Variants in LBP observed in about 807,000 individuals in gnomAD.
The protein encoded by LBP is lipopolysaccharide binding protein.
Under a neutral mutation model 56.6 loss-of-function variants are expected in LBP, and 53 were observed. The observed-to-expected ratio is 0.94, with a 90% CI of 0.75 to 1.18. The LOEUF (loss-of-function observed/expected upper bound fraction) is 1.18. LBP is among the 50% of genes most tolerant of loss of function. LBP has a pLI of 0.00. For missense variants in LBP, 601 were observed against 598.3 expected (o/e 1.00, Z -0.05); for synonymous variants, 227 against 247.5 (o/e 0.92, Z 0.78).
chr20:38,374,784 CTTTTTT>C (rs587732305), intron 14 of LBP, among the ~76,000 whole-genome samples: 1 of 121,282 alleles, frequency 8.2e-6, no homozygotes, highest in Non-Finnish European at 1.7e-5. Context: ...ACCATATATA[CTTTTTT>C]TTTTTTTTTT....
chr20:38,346,882 A>T (rs1271970166), intron 1 of LBP, among the ~76,000 whole-genome samples: 1 of 152,220 alleles, frequency 6.6e-6, no homozygotes, highest in Non-Finnish European at 1.5e-5. Flanking sequence ...GCGTGCAAGT[A>T]GTTGATTTGG....
chr20:38,372,993 C>T lies in LBP; in HGVS notation c.1261-79C>T, dbSNP rs562459016. ...GTAATACTAGTTTGCTTTTCCCAAGCGTTTTGCTATGTTGGCACACACAGA... is the reference window on the plus strand; with the variant it reads ...GTAATACTAGTTTGCTTTTCCCAAGTGTTTTGCTATGTTGGCACACACAGA... On this transcript the variant is annotated intron_variant, in intron 12 of 14. Transcript: ENST00000217407. 4.9e-4 allele frequency: 595 copies of T among 1,223,580 alleles called. 10 individuals carry two copies. The South Asian group carries it at 6.7e-3, about 14-fold the overall frequency. 75.8% of individuals were successfully genotyped at this position (1,223,580 alleles called of 1,614,324 possible). A position where few individuals can be genotyped will look rare whatever the true frequency, so the allele number is the denominator to read the frequency against.
chr20:38,355,502 G>C, intron 5 of LBP, 93 bp downstream of exon 5: 1 of 1,168,058 alleles, frequency 8.6e-7, no homozygotes, highest in South Asian at 1.2e-5. Context: ...GGCCATGGGG[G>C]CTGGTTTAGA....
chr20:38,355,057 G>C (rs926605808), intron 4 of LBP, among the ~76,000 whole-genome samples: 2 of 152,192 alleles, frequency 1.3e-5, no homozygotes, highest in Non-Finnish European at 2.9e-5. Flanking sequence ...ACTCCAGCCT[G>C]GGTGACAAGG....
rs111848745 is a variant in LBP, at chr20:38,368,127, A to T, written c.982-868A>T. On this transcript the variant is annotated intron_variant, in intron 9 of 14. Transcript: ENST00000217407. The stretch of plus-strand genomic sequence containing the variant: ...TACGAGAAAATTAAATATTTTTTTT[A>T]AAAAAGAAATGGTGGGATCCAGCTG... Among the ~76,000 whole-genome samples, 66 of 152,284 alleles carry T rather than the reference A, an allele frequency of 4.3e-4. 3 individuals carry two copies. Among genetic ancestry groups the T allele is most frequent in the African/African-American group, 1.1e-3 (46 of 41,572 alleles).
At position 38,376,567 on chromosome 20, in the gene LBP, G is replaced by T. The variant is rs184137058; in HGVS notation, c.1402-58G>T. ...CGTGGGCTCCCTTTCAATCGCAGAT[G>T]CATCTTTTTGGAGTAGAGGATGCTC... On this transcript the variant is annotated intron_variant, in intron 14 of 14. Coordinates refer to ENST00000217407, the MANE Select transcript of LBP (RefSeq NM_004139.5). The T allele has an allele frequency of 8.1e-6, 12 of 1,484,276 alleles. No homozygotes were observed. In the Admixed American group the frequency reaches 1.0e-4, roughly 12 times the overall value. The allele number at this position is 1,484,276 out of a possible 1,614,324, so 91.9% of individuals were successfully genotyped here. A position where few individuals can be genotyped will look rare whatever the true frequency, so the allele number is the denominator to read the frequency against.
intron 5 of LBP, 78 bp downstream of exon 5, chr20:38,355,487 GAC>G: frequency 2.3e-6 from 3 of 1,290,910 alleles, no homozygotes; most frequent in Non-Finnish European, 3.4e-6. Flanking sequence ...AATGGCCCTG[GAC>G]CAGGCCATGG....
At chr20:38,348,792 T>TTTAGTTTA (rs1600721185) in intron 1 of LBP, among the ~76,000 whole-genome samples, 851 of 41,526 alleles carry the variant, frequency 0.02, 5 homozygotes, top group East Asian at 0.026. Context: ...AGTTTAGTTT[T>TTTAGTTTA]GTTTTGTTTT....
intron 3 of LBP, among the ~76,000 whole-genome samples, chr20:38,352,580 C>T (rs6025095): frequency 0.048 from 7,303 of 152,172 alleles, 552 homozygotes; most frequent in African/African-American, 0.17. Context: ...CATGGTGAAA[C>T]CCCATCTCTA....
At chr20:38,359,659 A>G (rs11536957) in intron 5 of LBP, among the ~76,000 whole-genome samples, 2,753 of 152,286 alleles carry the variant, frequency 0.018, 99 homozygotes, top group African/African-American at 0.061. Flanking sequence ...TAATTCGAGT[A>G]ATTACAAAAG....
chr20:38,356,448 ACACACACCCT>A (rs1480841099), intron 5 of LBP, among the ~76,000 whole-genome samples: 1 of 115,050 alleles, frequency 8.7e-6, no homozygotes, highest in Non-Finnish European at 1.7e-5. Flanking sequence ...ACACACACAC[ACACACACCCT>A]CGTCTGTAGG....
chr20:38,375,610 T>A (rs2083954457), intron 14 of LBP, among the ~76,000 whole-genome samples: 1 of 152,188 alleles, frequency 6.6e-6, no homozygotes. Context: ...CTTAAGGTTC[T>A]TTTTAAAGCT....
At chr20:38,352,195 C>A (rs534179478) in intron 3 of LBP, among the ~76,000 whole-genome samples, 1 of 152,310 alleles carries the variant, frequency 6.6e-6, no homozygotes, top group Admixed American at 6.5e-5. Flanking sequence ...ATCTCCAATA[C>A]TGTGACATTC....
chr20:38,376,841 A>C lies in LBP; in HGVS notation c.*172A>C, dbSNP rs563394050. ...CTCCTCCTCTTCACCAGGTGCATGCATGCCCTCTCTGAGTCTGGACTTTGC... is the reference window on the plus strand; with the variant it reads ...CTCCTCCTCTTCACCAGGTGCATGCCTGCCCTCTCTGAGTCTGGACTTTGC... On this transcript the variant is annotated 3_prime_UTR_variant, in exon 15 of 15. Coordinates refer to ENST00000217407, the MANE Select transcript of LBP (RefSeq NM_004139.5). 1 of 733,058 alleles carries C rather than the reference A, an allele frequency of 1.4e-6. No individual in the cohort carries two copies. Among genetic ancestry groups the C allele is most frequent in the Non-Finnish European group, 2.5e-6 (1 of 407,056 alleles). The allele number at this position is 733,058 out of a possible 1,614,324, so 45.4% of individuals were successfully genotyped here. A position where few individuals can be genotyped will look rare whatever the true frequency, so the allele number is the denominator to read the frequency against.
intron 5 of LBP, among the ~76,000 whole-genome samples, chr20:38,358,498 C>A (rs775137056): frequency 1.3e-5 from 2 of 152,158 alleles, no homozygotes; most frequent in Non-Finnish European, 2.9e-5. Flanking sequence ...AAGAAAGGAG[C>A]GGTCTTCAGG....
chr20:38,373,877 ATCTGTC>A (rs1216720766), intron 13 of LBP, 54 bp from the exon 14 acceptor site: 12 of 1,472,810 alleles, frequency 8.1e-6, no homozygotes, highest in Non-Finnish European at 1.1e-5. Flanking sequence ...TTCGGTAAAA[ATCTGTC>A]TCTAATTATT....
At chr20:38,349,911 G>A (rs2076814799) in intron 2 of LBP, among the ~76,000 whole-genome samples, 1 of 152,126 alleles carries the variant, frequency 6.6e-6, no homozygotes, top group Non-Finnish European at 1.5e-5. Flanking sequence ...TTCCTTATCT[G>A]TAAAATGGAG....
intron 11 of LBP, among the ~76,000 whole-genome samples, 173 bp from the exon 12 acceptor site, chr20:38,371,107 C>T (rs79676940): frequency 2.0e-5 from 3 of 152,278 alleles, no homozygotes; most frequent in East Asian, 1.9e-4. Context: ...ACAGTCTTCC[C>T]GATGTCATTG....
At chr20:38,369,945 C>T (rs566115477) in intron 10 of LBP, among the ~76,000 whole-genome samples, 1 of 152,304 alleles carries the variant, frequency 6.6e-6, no homozygotes, top group African/African-American at 2.4e-5. Flanking sequence ...GAGAACTCTG[C>T]TCTCTTGTTT....
Sources: allele counts gnomAD v4.1 joint callset (sites outside exome capture counted in the v4.1 genomes callset), GRCh38; gene constraint gnomAD v4.1.1; transcripts MANE v1.5; gene names NCBI Gene and HGNC (gene_info 2026-07-23, HGNC 2026-07-21).